NDRG4: variants seen among roughly 807,000 people sequenced by gnomAD.
The protein encoded by NDRG4 is NDRG family member 4.
Under a neutral mutation model 55.8 loss-of-function variants are expected in NDRG4, and 38 were observed. The observed-to-expected ratio is 0.68, with a 90% CI of 0.53 to 0.89. The LOEUF (loss-of-function observed/expected upper bound fraction) is 0.89. NDRG4 is among the 40% of genes least tolerant of loss of function. The pLI is 0.00. For synonymous variants in NDRG4, 190 were observed against 182.7 expected (o/e 1.04, Z -0.32); for missense variants, 455 against 468.6 (o/e 0.97, Z 0.27).
At chr16:58,486,340 C>T (rs909166692) in intron 1 of NDRG4, among the ~76,000 whole-genome samples, 4 of 151,480 alleles carry the variant, frequency 2.6e-5, no homozygotes, top group Admixed American at 1.3e-4. Flanking sequence ...TTATTTTTTT[C>T]GTAGAGATGG....
At chr16:58,468,214 G>A (rs954027552) in intron 1 of NDRG4, among the ~76,000 whole-genome samples, 19 of 152,182 alleles carry the variant, frequency 1.2e-4, no homozygotes, top group African/African-American at 4.1e-4. Flanking sequence ...GGCTGTTGGG[G>A]TCCTTCTGGA....
At position 58,507,795 on chromosome 16, in the gene NDRG4, C is replaced by T; in HGVS notation, c.621-13C>T. Reference sequence around the variant, plus strand: ...TGCCCACCTCTGCCTCTGCCCCTCCCCCTGCCCCACAGCCGCAGAGACCTG... The same window carrying T: ...TGCCCACCTCTGCCTCTGCCCCTCCTCCTGCCCCACAGCCGCAGAGACCTG... On this transcript the variant is annotated splice_polypyrimidine_tract_variant and intron_variant, in intron 8 of 14. Coordinates refer to ENST00000570248, the MANE Select transcript of NDRG4 (RefSeq NM_001242835.2). The T allele has an allele frequency of 6.2e-7, 1 of 1,613,070 alleles. No individual in the cohort carries two copies. The highest frequency in any genetic ancestry group is 8.5e-7 in the Non-Finnish European group (1 of 1,179,740).
In NDRG4 at chr16:58,464,289, T is replaced by C; in HGVS notation, c.-24+492T>C. On this transcript the variant is annotated intron_variant, in intron 1 of 15. Coordinates refer to the NDRG4 transcript ENST00000258187. The surrounding 1 kb of genome is among the most constrained non-coding windows in gnomAD (Gnocchi z 4.8). ...CGCGGCGTTGGGGGCGGGAGAGCGC[T>C]CCTGGCTGTGAGCTGCTCCTGCCGC... 3.3e-6 allele frequency: 2 copies of C among 613,070 alleles called. No individual in the cohort carries two copies. The highest frequency in any genetic ancestry group is 4.9e-6 in the Non-Finnish European group (2 of 411,722). 38.0% of individuals were successfully genotyped at this position (613,070 alleles called of 1,614,324 possible). A position where few individuals can be genotyped will look rare whatever the true frequency, so the allele number is the denominator to read the frequency against.
chr16:58,504,121 C>G, intron 2 of NDRG4, 33 bp from the exon 3 acceptor site: 1 of 1,612,940 alleles, frequency 6.2e-7, no homozygotes. Context: ...CCCGGCCCCT[C>G]TGCTCAGCCA....
rs773671131 is a variant in NDRG4, at chr16:58,507,883, TCTGGCCTGCC to T, written c.677+27_677+36del. 6.2e-6 allele frequency: 10 copies of T among 1,613,868 alleles called. No homozygotes were observed. The highest frequency in any genetic ancestry group is 5.3e-5 in the African/African-American group (4 of 74,928). ...CGCTCCGGTGAGTGGCCCCTGGCCC[TCTGGCCTGCC>T]CTGGCCTTTGCCCCCATGACCCAGC... On this transcript the variant is annotated intron_variant, in intron 9 of 14. Transcript: ENST00000570248.
rs566294608 is a variant in NDRG4 at position 58,512,517 on chromosome 16, G to A, written c.*941G>A. 1.5e-3 allele frequency: 348 copies of A among 225,624 alleles called. No homozygotes were observed. Among genetic ancestry groups the A allele is most frequent in the Non-Finnish European group, 2.4e-3 (266 of 111,728 alleles). 14.0% of individuals were successfully genotyped at this position (225,624 alleles called of 1,614,324 possible). ...CCATCAGTAGCAGTGTGGTGTTTCAGGCAGAGCTCTGGCCAGGCTGTGCCA... is the reference window on the plus strand; with the variant it reads ...CCATCAGTAGCAGTGTGGTGTTTCAAGCAGAGCTCTGGCCAGGCTGTGCCA... On this transcript the variant is annotated 3_prime_UTR_variant, in exon 15 of 15. Coordinates refer to ENST00000570248, the MANE Select transcript of NDRG4 (RefSeq NM_001242835.2).
intron 5 of NDRG4, among the ~76,000 whole-genome samples, chr16:58,505,708 A>ATTTTTTTTTTT (rs869263659): frequency 1.4e-5 from 1 of 70,626 alleles, no homozygotes; most frequent in African/African-American, 6.2e-5. Flanking sequence ...TGAGGGCTTC[A>ATTTTTTTTTTT]TTTTCTTTTT....
Position 58,488,312 on chromosome 16 carries a change from G to A in NDRG4, c.72+462G>A, listed in dbSNP as rs1035045046. 3.3e-5 allele frequency among the ~76,000 whole-genome samples: 5 copies of A among 152,204 alleles called. No individual in the cohort carries two copies. In the East Asian group the frequency reaches 9.6e-4, roughly 29 times the overall value. ...AGTCTAACCAACAGTGCCACCCGGG[G>A]CAGTGGGACAGAGGCATCACAGGTT... On this transcript the variant is annotated intron_variant, in intron 2 of 15. Coordinates refer to the NDRG4 transcript ENST00000258187.
chr16:58,508,277 A>T (rs902025696), intron 10 of NDRG4, among the ~76,000 whole-genome samples: 1 of 152,146 alleles, frequency 6.6e-6, no homozygotes, highest in Admixed American at 6.5e-5. Context: ...CACAGCCCCA[A>T]CTTGGTCCCT....
chr16:58,507,729 G>A, intron 8 of NDRG4, 79 bp from the exon 9 acceptor site: 1 of 1,366,822 alleles, frequency 7.3e-7, no homozygotes, highest in Admixed American at 1.8e-5. Context: ...TTTACCAATT[G>A]GCAGTGTTGG....
In NDRG4 at chr16:58,503,890, T is replaced by A. The variant is rs750787421; in HGVS notation, c.114T>A (p.Asp38Glu). Reference protein sequence around the residue: ...GNRPAILTYHDVGLNHKLCFN... With the variant: ...GNRPAILTYHEVGLNHKLCFN... The stretch of plus-strand genomic sequence containing the variant: ...GCCCAGCCATCCTCACCTACCATGA[T>A]GTGGGCCTCAACCGTAAGTGCAGCC... The change falls in exon 2 of 15, where the codon GAT (aspartate) becomes GAA (glutamate). Residue 38 changes from aspartate to glutamate, a missense_variant. Physicochemically the swap from Asp to Glu is conservative, Grantham distance 45 (BLOSUM62 2). Coordinates refer to ENST00000570248, the MANE Select transcript of NDRG4 (RefSeq NM_001242835.2). 6.2e-7 allele frequency: 1 copy of A among 1,613,868 alleles called. No individual in the cohort carries two copies. The highest frequency in any genetic ancestry group is 1.1e-5 in the South Asian group (1 of 91,082).
Position 58,464,264 on chromosome 16 carries a change from C to G in NDRG4, c.-24+467C>G. The stretch of plus-strand genomic sequence containing the variant: ...TTTTAAACCGTTTTGGAGGGGGGAG[C>G]GCGGCGTTGGGGGCGGGAGAGCGCT... On this transcript the variant is annotated intron_variant, in intron 1 of 15. Coordinates refer to the NDRG4 transcript ENST00000258187. This position sits in a 1 kb window ranked among gnomAD's most constrained non-coding sequence, Gnocchi z 4.8. 2.1e-6 allele frequency: 1 copy of G among 476,886 alleles called. No homozygotes were observed. The highest frequency in any genetic ancestry group is 3.4e-6 in the Non-Finnish European group (1 of 291,214). 29.5% of individuals were successfully genotyped at this position (476,886 alleles called of 1,614,324 possible). A position where few individuals can be genotyped will look rare whatever the true frequency, so the allele number is the denominator to read the frequency against.
intron 2 of NDRG4, 85 bp downstream of exon 2, chr16:58,503,988 T>G: frequency 4.0e-6 from 6 of 1,491,752 alleles, no homozygotes; most frequent in South Asian, 1.1e-5. Flanking sequence ...CACAGGGCCC[T>G]GTCAGCCCCA....
upstream of NDRG4, chr16:58,499,494 A>G (rs2036797862): frequency 6.5e-6 from 1 of 152,678 alleles, no homozygotes. Context: ...AACCCCCTGT[A>G]TCTGCGTGGG....
At chr16:58,495,176 AGAGAC>A (rs2036258466), upstream of NDRG4, among the ~76,000 whole-genome samples, 1 of 152,198 alleles carries the variant, frequency 6.6e-6, no homozygotes, top group African/African-American at 2.4e-5. Context: ...GCAGCAGGGA[AGAGAC>A]GGGGCCTCTA....
At chr16:58,505,327 C>T (rs965716827) in intron 5 of NDRG4, among the ~76,000 whole-genome samples, 1 of 146,392 alleles carries the variant, frequency 6.8e-6, no homozygotes, top group Non-Finnish European at 1.5e-5. Flanking sequence ...CCAGCCTGGG[C>T]AACAGAGCGA....
intron 1 of NDRG4, chr16:58,501,303 C>G: frequency 2.6e-6 from 1 of 382,562 alleles, no homozygotes; most frequent in Non-Finnish European, 4.6e-6. Flanking sequence ...CCCACACCGG[C>G]GCAAAGCCCG....
chr16:58,506,174 G>A, intron 5 of NDRG4: 1 of 687,152 alleles, frequency 1.5e-6, no homozygotes, highest in Non-Finnish European at 2.7e-6. Flanking sequence ...GTGTGTAGGG[G>A]TGGAAACAAT....
chr16:58,507,953 C>G lies in NDRG4; in HGVS notation c.683C>G (p.Pro228Arg). 6.2e-7 allele frequency: 1 copy of G among 1,605,768 alleles called. No individual in the cohort carries two copies. Among genetic ancestry groups the G allele is most frequent in the Non-Finnish European group, 8.5e-7 (1 of 1,174,086 alleles). ...TVPNAKTLRC[P>R]VMLVVGDNAP... is the part of the protein sequence containing the mutation. ...CTTTTCCTCTGTATCTGCAGCTGCC[C>G]CGTGATGCTGGTGGTTGGGGATAAT... Residue 228 changes from proline (P) to arginine (R), a missense_variant, in exon 10 of 15, where the codon CCC becomes CGC. By Grantham distance (103) the Pro-to-Arg change is moderately radical. Coordinates refer to ENST00000570248, the MANE Select transcript of NDRG4 (RefSeq NM_001242835.2).
Sources: allele counts gnomAD v4.1 joint callset (sites outside exome capture counted in the v4.1 genomes callset), GRCh38; gene constraint gnomAD v4.1.1; non-coding constraint Gnocchi (gnomAD v3.1); transcripts MANE v1.5; gene names NCBI Gene and HGNC (gene_info 2026-07-23, HGNC 2026-07-21).